Variants in CRIM1 observed in about 807,000 individuals in gnomAD.
CRIM1 encodes the protein cysteine rich transmembrane BMP regulator 1.
Under a neutral mutation model 116.4 loss-of-function variants are expected in CRIM1, and 32 were observed. That is an observed-to-expected ratio of 0.27 (90% CI 0.21 to 0.37). The LOEUF is 0.37. Ranked by LOEUF, CRIM1 falls within the 10% of genes least tolerant of loss-of-function variation. The pLI, the probability that CRIM1 is intolerant of heterozygous loss-of-function variation, is 1.00. For synonymous variants in CRIM1, 590 were observed against 509.2 expected, an observed-to-expected ratio of 1.16 and a Z score of -2.13; for missense variants, 1,331 against 1,354.8, an observed-to-expected ratio of 0.98 and a Z score of 0.28.
chr2:36,495,373 T>A lies in CRIM1; in HGVS notation c.1373-3846T>A, dbSNP rs561811791. Reference sequence around the variant, plus strand: ...GAGAAAAGTCTGGGATAATAACAATTCCTGATGAGCAAATTTCAGAATGCT... The same window carrying A: ...GAGAAAAGTCTGGGATAATAACAATACCTGATGAGCAAATTTCAGAATGCT... On this transcript the variant is annotated intron_variant, in intron 7 of 16. Coordinates refer to ENST00000280527, the MANE Select transcript of CRIM1 (RefSeq NM_016441.3). Among the ~76,000 whole-genome samples, 20 of 152,176 alleles carry A rather than the reference T, an allele frequency of 1.3e-4. No homozygotes were observed. The South Asian group carries it at 3.9e-3, about 30-fold the overall frequency.
At chr2:36,420,038 ATTG>A (rs1040821159) in intron 2 of CRIM1, among the ~76,000 whole-genome samples, 4 of 151,540 alleles carry the variant, frequency 2.6e-5, no homozygotes, top group Non-Finnish European at 5.9e-5. Flanking sequence ...GTTTCCTCTT[ATTG>A]TTTTCTGTTT....
chr2:36,548,754 C>G lies in CRIM1; in HGVS notation c.*53C>G. Reference sequence around the variant, plus strand: ...AAGACGGAAGACGACTAAATCTGCTCTAAAAAGTAAACTAGAATTTGTGCA... The same window carrying G: ...AAGACGGAAGACGACTAAATCTGCTGTAAAAAGTAAACTAGAATTTGTGCA... On this transcript the variant is annotated 3_prime_UTR_variant, in exon 17 of 17. Coordinates refer to ENST00000280527, the MANE Select transcript of CRIM1 (RefSeq NM_016441.3). 1 of 1,445,478 alleles carries G rather than the reference C, an allele frequency of 6.9e-7. No individual in the cohort carries two copies. Among genetic ancestry groups the G allele is most frequent in the South Asian group, 1.4e-5 (1 of 73,264 alleles). 89.5% of individuals were successfully genotyped at this position (1,445,478 alleles called of 1,614,324 possible).
intron 1 of CRIM1, among the ~76,000 whole-genome samples, chr2:36,385,336 C>T (rs1038315900): frequency 1.3e-5 from 2 of 152,172 alleles, no homozygotes; most frequent in African/African-American, 2.4e-5. Flanking sequence ...GCTGATTTCA[C>T]AAAGTTGTTA....
At chr2:36,482,535 T>G (rs1174459467) in intron 7 of CRIM1, among the ~76,000 whole-genome samples, 1 of 152,226 alleles carries the variant, frequency 6.6e-6, no homozygotes, top group Non-Finnish European at 1.5e-5. Flanking sequence ...TACTTAAATA[T>G]AATTTCAAAT....
Position 36,468,471 on chromosome 2 carries a change from G to T in CRIM1, c.991+3816G>T, listed in dbSNP as rs567949967. Among the ~76,000 whole-genome samples the T allele has an allele frequency of 3.1e-4, 47 of 152,292 alleles. 1 individual carries two copies. The highest frequency in any genetic ancestry group is 1.0e-3 in the African/African-American group (42 of 41,564). On this transcript the variant is annotated intron_variant, in intron 5 of 16. Coordinates refer to ENST00000280527, the MANE Select transcript of CRIM1 (RefSeq NM_016441.3). ...GTAACTGCATTCTCTGACAAGCGCC[G>T]AAAGGAGAACTTATGAGGCTTTGGC... is the stretch of plus-strand genomic sequence containing the variant.
chr2:36,451,193 T>C (rs894425187), intron 4 of CRIM1, among the ~76,000 whole-genome samples: 16 of 152,162 alleles, frequency 1.1e-4, no homozygotes, highest in Admixed American at 5.2e-4. Flanking sequence ...GTGAATAAAA[T>C]GTGGCACATG....
Position 36,470,421 on chromosome 2 carries a change from A to T in CRIM1, c.991+5766A>T, listed in dbSNP as rs1678406197. Among the ~76,000 whole-genome samples the T allele has an allele frequency of 1.3e-5, 2 of 152,172 alleles. 1 individual carries two copies. Among genetic ancestry groups the T allele is most frequent in the African/African-American group, 4.8e-5 (2 of 41,430 alleles). ...ACCTGGGACTTTCATAACAAGAGAG[A>T]AGCAGTCAATGCCTGGCTTCAAAGA... On this transcript the variant is annotated intron_variant, in intron 5 of 16. Coordinates refer to ENST00000280527, the MANE Select transcript of CRIM1 (RefSeq NM_016441.3).
intron 1 of CRIM1, among the ~76,000 whole-genome samples, chr2:36,387,618 T>C (rs1385838574): frequency 1.3e-5 from 2 of 152,188 alleles, no homozygotes; most frequent in Non-Finnish European, 2.9e-5. Context: ...GGAAAACATG[T>C]AAATGGGCAT....
intron 7 of CRIM1, among the ~76,000 whole-genome samples, chr2:36,493,429 G>C (rs937732765): frequency 2.0e-5 from 3 of 152,260 alleles, no homozygotes; most frequent in African/African-American, 7.2e-5. Context: ...GTTTACCAGA[G>C]GACAGCACAG....
At chr2:36,405,405 T>A (rs1572658259) in intron 2 of CRIM1, among the ~76,000 whole-genome samples, 1 of 152,310 alleles carries the variant, frequency 6.6e-6, no homozygotes, top group East Asian at 1.9e-4. Flanking sequence ...GCTCTGCCCC[T>A]ACCCGCTGTC....
chr2:36,360,518 T>C lies in CRIM1; in HGVS notation c.331+3895T>C, dbSNP rs778169142. Among the ~76,000 whole-genome samples the C allele has an allele frequency of 8.5e-5, 13 of 152,212 alleles. 1 individual carries two copies. Among genetic ancestry groups the C allele is most frequent in the East Asian group, 3.8e-4 (2 of 5,196 alleles). On this transcript the variant is annotated intron_variant, in intron 1 of 16. Transcript: ENST00000280527. Reference sequence around the variant, plus strand: ...AACTGTTCCTTTTACCCATTTTTCATTGGGCAGTGTGTAAGAGAACTATGT... The same window carrying C: ...AACTGTTCCTTTTACCCATTTTTCACTGGGCAGTGTGTAAGAGAACTATGT...
chr2:36,539,714 G>A (rs1172197379), intron 14 of CRIM1, among the ~76,000 whole-genome samples: 1 of 152,192 alleles, frequency 6.6e-6, no homozygotes. Context: ...AGTCGCATCA[G>A]TAGGATTTCA....
intron 2 of CRIM1, among the ~76,000 whole-genome samples, chr2:36,402,378 G>T (rs1384689289): frequency 2.0e-5 from 3 of 149,556 alleles, no homozygotes; most frequent in Non-Finnish European, 3.0e-5. Context: ...AACTGCAAAA[G>T]CTCTAAGGAG....
At chr2:36,367,964 AGAAGCTAGAGC>A (rs1244876112) in intron 1 of CRIM1, among the ~76,000 whole-genome samples, 1 of 152,208 alleles carries the variant, frequency 6.6e-6, no homozygotes, top group African/African-American at 2.4e-5. Flanking sequence ...CTGCAAAGGG[AGAAGCTAGAGC>A]GAAGACAGGC....
intron 15 of CRIM1, 22 bp from the exon 16 acceptor site, chr2:36,546,962 C>G: frequency 1.4e-6 from 2 of 1,421,030 alleles, no homozygotes; most frequent in Non-Finnish European, 1.9e-6. Flanking sequence ...GTAATAAATG[C>G]TTATAATTTT....
At chr2:36,493,107 A>G (rs568939363) in intron 7 of CRIM1, among the ~76,000 whole-genome samples, 1 of 152,234 alleles carries the variant, frequency 6.6e-6, no homozygotes, top group East Asian at 1.9e-4. Flanking sequence ...TTTCACTTGT[A>G]AAGAAATGTA....
At chr2:36,513,088 C>T (rs563801968) in intron 10 of CRIM1, among the ~76,000 whole-genome samples, 3 of 152,142 alleles carry the variant, frequency 2.0e-5, no homozygotes, top group African/African-American at 7.2e-5. Flanking sequence ...GGACAGTTAC[C>T]ACCTTAATGG....
rs774942992 is a variant in CRIM1, at chr2:36,517,506, T to C, written c.2170T>C (p.Ser724Pro). Residue 724 changes from serine to proline, a missense_variant, in exon 12 of 17, where the codon TCA becomes CCA. Coordinates refer to ENST00000280527, the MANE Select transcript of CRIM1 (RefSeq NM_016441.3). ...VCPPLLCQNP[S>P]RTQDSCCPQC... The stretch of plus-strand genomic sequence containing the variant: ...CCCACCGCTGCTCTGCCAGAACCCC[T>C]CACGCACCCAGGATTCCTGCTGCCC... 3.1e-6 allele frequency: 5 copies of C among 1,614,054 alleles called. No individual in the cohort carries two copies. The Admixed American group carries it at 8.3e-5, about 27-fold the overall frequency.
Position 36,512,398 on chromosome 2 carries a change from A to T in CRIM1, c.1780+4A>T. ...TGTCTTATCTGCAAGTGCAGAGGTA[A>T]GTGTGTACACATGGCCCTTCCCCCT... On this transcript the variant is annotated splice_donor_region_variant and intron_variant, in intron 10 of 16. Coordinates refer to ENST00000280527, the MANE Select transcript of CRIM1 (RefSeq NM_016441.3). 1 of 1,610,696 alleles carries T rather than the reference A, an allele frequency of 6.2e-7. No homozygotes were observed. Among genetic ancestry groups the T allele is most frequent in the Non-Finnish European group, 8.5e-7 (1 of 1,177,260 alleles).
Sources: gnomAD v4.1 joint callset for allele counts (sites outside exome capture counted in the v4.1 genomes callset) on GRCh38, gnomAD v4.1.1 for gene constraint, MANE v1.5 for transcripts, NCBI Gene and HGNC (gene_info 2026-07-23, HGNC 2026-07-21) for gene names.